PAK5: variants seen among roughly 807,000 people sequenced by gnomAD.
PAK5 encodes p21 (RAC1) activated kinase 5.
In PAK5, 16 loss-of-function variants were observed where a neutral mutation model predicts 65.9. The observed-to-expected ratio is 0.24, with a 90% confidence interval of 0.16 to 0.37. The LOEUF (loss-of-function observed/expected upper bound fraction) is 0.37, where lower values mean the gene tolerates loss of function less well. Ranked by LOEUF, PAK5 falls within the 10% of genes least tolerant of loss-of-function variation. The pLI is 1.00. For missense variants in PAK5, 785 were observed against 903.9 expected, an observed-to-expected ratio of 0.87 and a Z score of 1.69; for synonymous variants, 371 against 354.9, an observed-to-expected ratio of 1.05 and a Z score of -0.51.
At chr20:9,804,136 G>C (rs1215055476) in intron 1 of PAK5, among the ~76,000 whole-genome samples, 1 of 152,038 alleles carries the variant, frequency 6.6e-6, no homozygotes, top group African/African-American at 2.4e-5. Flanking sequence ...ATTCAGACTT[G>C]CTCTATCAGA....
chr20:9,677,164 A>G (rs960429152), intron 2 of PAK5, among the ~76,000 whole-genome samples: 3 of 152,050 alleles, frequency 2.0e-5, no homozygotes, highest in African/African-American at 7.2e-5. Flanking sequence ...CAATAAAAAT[A>G]TTCTCTTTCA....
At position 9,640,724 on chromosome 20, in the gene PAK5, C is replaced by G. The variant is rs535828677; in HGVS notation, c.204+3401G>C. Among the ~76,000 whole-genome samples the G allele has an allele frequency of 2.0e-5, 3 of 152,176 alleles. No individual in the cohort carries two copies. The East Asian group carries it at 5.8e-4, about 30-fold the overall frequency. ...TTCTTCCTTCTGGTGTGTTCGTGGT[C>G]TCGCTGGCTCAGGAGTGAAGCTGCA... On this transcript the variant is annotated intron_variant, in intron 3 of 9. Coordinates refer to ENST00000353224, the MANE Select transcript of PAK5 (RefSeq NM_177990.4).
chr20:9,706,355 CAT>C (rs1277421403), intron 2 of PAK5, among the ~76,000 whole-genome samples: 1 of 152,164 alleles, frequency 6.6e-6, no homozygotes, highest in East Asian at 1.9e-4. Context: ...AACACAGTCA[CAT>C]GCTGAAAAGT....
At chr20:9,632,313 G>T (rs2123230457) in intron 3 of PAK5, among the ~76,000 whole-genome samples, 1 of 152,302 alleles carries the variant, frequency 6.6e-6, no homozygotes, top group African/African-American at 2.4e-5. Context: ...TGGGGGGTAT[G>T]CTGTTTGACC....
At chr20:9,541,561 C>G (rs1338640232) in intron 9 of PAK5, among the ~76,000 whole-genome samples, 1 of 152,202 alleles carries the variant, frequency 6.6e-6, no homozygotes, top group Admixed American at 6.5e-5. Flanking sequence ...TGGCTTAAGG[C>G]CTTTCCACTT....
In PAK5 at chr20:9,678,497, G is replaced by A. The variant is rs962274805; in HGVS notation, c.-12+32789C>T. On this transcript the variant is annotated intron_variant, in intron 2 of 9. Transcript: ENST00000353224. The stretch of plus-strand genomic sequence containing the variant: ...CAGAAGAATGGCGTGAACCCAGGAG[G>A]TGGAGCTTGCAGTGAGCTGAGATTG... 3.9e-5 allele frequency among the ~76,000 whole-genome samples: 6 copies of A among 152,192 alleles called. No individual in the cohort carries two copies. The East Asian group carries it at 9.6e-4, about 24-fold the overall frequency.
At chr20:9,600,403 T>C (rs936524688) in intron 3 of PAK5, among the ~76,000 whole-genome samples, 12 of 152,230 alleles carry the variant, frequency 7.9e-5, no homozygotes, top group African/African-American at 2.7e-4. Context: ...GACATTTAGA[T>C]AGGGATTGGA....
intron 1 of PAK5, among the ~76,000 whole-genome samples, chr20:9,744,707 C>T (rs1436587667): frequency 6.6e-6 from 1 of 152,172 alleles, no homozygotes; most frequent in Non-Finnish European, 1.5e-5. Flanking sequence ...AATGATGTTC[C>T]ACACCAGCTC....
At chr20:9,767,822 C>T (rs979336783) in intron 1 of PAK5, among the ~76,000 whole-genome samples, 16 of 152,144 alleles carry the variant, frequency 1.1e-4, no homozygotes, top group African/African-American at 3.9e-4. Flanking sequence ...GTTCTAAACA[C>T]TTCCATGATA....
chr20:9,726,047 A>G (rs577509705), intron 1 of PAK5, among the ~76,000 whole-genome samples: 1 of 152,262 alleles, frequency 6.6e-6, no homozygotes, highest in Non-Finnish European at 1.5e-5. Context: ...TAGAGAGATA[A>G]TCAAAACATT....
intron 1 of PAK5, among the ~76,000 whole-genome samples, chr20:9,829,957 T>A (rs2123787054): frequency 6.6e-6 from 1 of 152,174 alleles, no homozygotes; most frequent in African/African-American, 2.4e-5. Context: ...AGTCCACAAG[T>A]CCAAGCTCCA....
In PAK5 at chr20:9,539,289, G is replaced by A; in HGVS notation, c.*173C>T. On this transcript the variant is annotated 3_prime_UTR_variant, in exon 10 of 10. Coordinates refer to ENST00000353224, the MANE Select transcript of PAK5 (RefSeq NM_177990.4). ...ACCGGCTGTCAGTGGAGAGATGCCT[G>A]TTTAAGACACAAGAAGATGCCCTGG... 1.6e-6 allele frequency: 1 copy of A among 630,024 alleles called. No homozygotes were observed. 39.0% of individuals were successfully genotyped at this position (630,024 alleles called of 1,614,324 possible).
intron 4 of PAK5, among the ~76,000 whole-genome samples, chr20:9,568,178 A>T (rs1388252125): frequency 6.6e-6 from 1 of 152,150 alleles, no homozygotes. Context: ...AGCAGACAGG[A>T]ATGACACAGT....
rs545140358 is a variant in PAK5 at position 9,771,582 on chromosome 20, A to ATTTTTTTTTTTT, written c.-161-60159_-161-60148dup. 6.6e-3 allele frequency among the ~76,000 whole-genome samples: 726 copies of ATTTTTTTTTTTT among 109,582 alleles called. 14 individuals carry two copies. Among genetic ancestry groups the ATTTTTTTTTTTT allele is most frequent in the East Asian group, 0.031 (97 of 3,132 alleles). The allele number at this position is 109,582 out of a possible 152,430, so 71.9% of individuals were successfully genotyped here. The stretch of plus-strand genomic sequence containing the variant: ...GCCACCACATTCAGTCAATTTTTTA[A>ATTTTTTTTTTTT]TTTTTTTTTTTTTTTTTTGTAGAAA... On this transcript the variant is annotated intron_variant, in intron 1 of 9. Coordinates refer to ENST00000353224, the MANE Select transcript of PAK5 (RefSeq NM_177990.4).
At chr20:9,762,300 G>A (rs1016866311) in intron 1 of PAK5, among the ~76,000 whole-genome samples, 2 of 152,020 alleles carry the variant, frequency 1.3e-5, no homozygotes, top group African/African-American at 2.4e-5. Flanking sequence ...CATAGCAAAG[G>A]AAACAATTAA....
chr20:9,651,899 T>A (rs946916167), intron 2 of PAK5, among the ~76,000 whole-genome samples: 1 of 152,162 alleles, frequency 6.6e-6, no homozygotes, highest in Non-Finnish European at 1.5e-5. Context: ...TCTAATAAAG[T>A]GAAGAGTTAA....
chr20:9,626,472 C>T (rs564987576), intron 3 of PAK5, among the ~76,000 whole-genome samples: 1 of 152,150 alleles, frequency 6.6e-6, no homozygotes, highest in Non-Finnish European at 1.5e-5. Context: ...CATTAGATTG[C>T]ACTACATGTA....
chr20:9,741,054 ACCC>A (rs1312861386), intron 1 of PAK5, among the ~76,000 whole-genome samples: 1 of 152,116 alleles, frequency 6.6e-6, no homozygotes, highest in African/African-American at 2.4e-5. Context: ...GTCAAACTCT[ACCC>A]CATCAATTGC....
At chr20:9,630,417 G>T (rs761420543) in intron 3 of PAK5, among the ~76,000 whole-genome samples, 2 of 152,154 alleles carry the variant, frequency 1.3e-5, no homozygotes, top group Non-Finnish European at 2.9e-5. Flanking sequence ...TATGGGCATC[G>T]TCCCTCAGTC....
Sources: gnomAD v4.1 joint callset for allele counts (sites outside exome capture counted in the v4.1 genomes callset) on GRCh38, gnomAD v4.1.1 for gene constraint, MANE v1.5 for transcripts, NCBI Gene and HGNC (gene_info 2026-07-23, HGNC 2026-07-21) for gene names.